The following TRAPPC3L variants were observed in gnomAD, a reference collection of about 807,000 sequenced individuals.
TRAPPC3L encodes the protein trafficking protein particle complex subunit 3L, also known as trafficking protein particle complex subunit 3-like protein.
Under a neutral mutation model 23.7 loss-of-function variants are expected in TRAPPC3L, and 23 were observed. The ratio of observed to expected loss-of-function variants is 0.97; its 90% CI spans 0.70 to 1.37. TRAPPC3L has a LOEUF of 1.37. TRAPPC3L is among the 40% of genes most tolerant of loss of function. The pLI is 0.00. For missense variants in TRAPPC3L, 212 were observed against 216.8 expected, an observed-to-expected ratio of 0.98 and a Z score of 0.14; for synonymous variants, 81 against 77.9, an observed-to-expected ratio of 1.04 and a Z score of -0.21.
At chr6:116,529,083 T>C (rs1216917521) in intron 3 of TRAPPC3L, 2 of 152,436 alleles carry the variant, frequency 1.3e-5, no homozygotes, top group Non-Finnish European at 2.9e-5. Flanking sequence ...GTCTCCTGTT[T>C]CTACCTGGTT....
intron 1 of TRAPPC3L, chr6:116,543,747 T>A (rs1267020981): frequency 1.6e-5 from 21 of 1,293,838 alleles, no homozygotes; most frequent in Middle Eastern, 1.8e-4. Context: ...CTAAAATATA[T>A]GCCATCCATG....
Position 116,495,459 on chromosome 6 carries a change from T to C in TRAPPC3L, c.*1495A>G, listed in dbSNP as rs1480244663. On this transcript the variant is annotated 3_prime_UTR_variant, in exon 5 of 5. Coordinates refer to ENST00000368602, the MANE Select transcript of TRAPPC3L (RefSeq NM_001139444.3). ...TCTTCCAAATCTTAGCTATCGTCAGTAGTTCTGCAGTAAACATGGGAGTGC... is the reference window on the plus strand; with the variant it reads ...TCTTCCAAATCTTAGCTATCGTCAGCAGTTCTGCAGTAAACATGGGAGTGC... The C allele has an allele frequency of 6.6e-6, 1 of 152,204 alleles. No individual in the cohort carries two copies. The highest frequency in any genetic ancestry group is 2.4e-5 in the African/African-American group (1 of 41,448). The allele number at this position is 152,204 out of a possible 1,614,324, so 9.4% of individuals were successfully genotyped here.
At chr6:116,513,537 T>A (rs13217264) in intron 3 of TRAPPC3L, among the ~76,000 whole-genome samples, 58,161 of 152,052 alleles carry the variant, frequency 0.38, 12,750 homozygotes, top group East Asian at 0.56. Context: ...CAAGGAAATC[T>A]TGCACATCAT....
At chr6:116,543,102 T>C (rs1372810049) in intron 2 of TRAPPC3L, among the ~76,000 whole-genome samples, 3 of 152,160 alleles carry the variant, frequency 2.0e-5, no homozygotes, top group Admixed American at 6.5e-5. Flanking sequence ...TTGATATTTG[T>C]AGGAAAAAAA....
At chr6:116,524,331 T>C (rs1772405351) in intron 3 of TRAPPC3L, 1 of 152,204 alleles carries the variant, frequency 6.6e-6, no homozygotes, top group Admixed American at 6.6e-5. Context: ...ATAAATGACA[T>C]GGTCACCTCA....
chr6:116,497,939 C>A (rs571001012), intron 4 of TRAPPC3L, among the ~76,000 whole-genome samples: 1 of 152,302 alleles, frequency 6.6e-6, no homozygotes, highest in East Asian at 1.9e-4. Flanking sequence ...AGCTAGCCAG[C>A]CTCAATTTGT....
intron 3 of TRAPPC3L, among the ~76,000 whole-genome samples, chr6:116,533,676 G>A (rs1184065775): frequency 1.3e-5 from 2 of 152,154 alleles, no homozygotes; most frequent in African/African-American, 2.4e-5. Context: ...TACTTGTAAC[G>A]CTAGAGCTCC....
At position 116,540,460 on chromosome 6, in the gene TRAPPC3L, C is replaced by T. The variant is rs1376258152; in HGVS notation, c.143G>A (p.Gly48Asp). 3.9e-6 allele frequency: 6 copies of T among 1,551,080 alleles called. No homozygotes were observed. The South Asian group carries it at 4.8e-5, about 12-fold the overall frequency. The part of the protein sequence containing the change: ...EDVNQYLDKM[G>D]YGIGTRLVED... The stretch of plus-strand genomic sequence containing the variant: ...CACAAGCCGCGTTCCAATGCCGTAA[C>T]CCCTGTGGATGACGGAAAGAGTGTG... Residue 48 changes from glycine (G) to aspartate (D), a missense_variant and splice_region_variant, in exon 3 of 5, where the codon GGT becomes GAT. Transcript: ENST00000368602.
intron 3 of TRAPPC3L, chr6:116,515,487 T>C: frequency 9.2e-7 from 1 of 1,086,550 alleles, no homozygotes; most frequent in Non-Finnish European, 1.3e-6. Flanking sequence ...TGATTTCAAA[T>C]GAGGTATGTC....
chr6:116,508,190 A>T (rs958370402), intron 3 of TRAPPC3L, among the ~76,000 whole-genome samples: 3 of 152,194 alleles, frequency 2.0e-5, no homozygotes, highest in African/African-American at 7.2e-5. Flanking sequence ...TTCAACAGAA[A>T]TTTCTTGAGC....
At chr6:116,512,373 G>A (rs1772140024) in intron 3 of TRAPPC3L, 12 of 1,002,608 alleles carry the variant, frequency 1.2e-5, no homozygotes, top group South Asian at 3.6e-5. Flanking sequence ...ATGCAGCATT[G>A]AGACTATCTC....
At chr6:116,511,116 ATATATGTATATT>A (rs1482670893) in intron 3 of TRAPPC3L, among the ~76,000 whole-genome samples, 9 of 147,496 alleles carry the variant, frequency 6.1e-5, no homozygotes, top group African/African-American at 2.2e-4. Context: ...GTATATATAT[ATATATGTATATT>A]TATATGTATA....
In TRAPPC3L at chr6:116,512,146, G is replaced by C. The variant is rs772645493; in HGVS notation, c.241-11480C>G. On this transcript the variant is annotated intron_variant, in intron 3 of 4. Coordinates refer to ENST00000368602, the MANE Select transcript of TRAPPC3L (RefSeq NM_001139444.3). The stretch of plus-strand genomic sequence containing the variant: ...GCAAGGGTAAGCCCAAAGAGTGCTG[G>C]GAAGAACTTCACAAAGTATCTTGTG... 31 of 1,613,494 alleles carry C rather than the reference G, an allele frequency of 1.9e-5. No individual in the cohort carries two copies. In the African/African-American group the frequency reaches 3.9e-4, roughly 20 times the overall value.
chr6:116,509,144 G>A (rs1319670233), intron 3 of TRAPPC3L, among the ~76,000 whole-genome samples: 1 of 149,050 alleles, frequency 6.7e-6, no homozygotes, highest in Non-Finnish European at 1.5e-5. Context: ...TCGAAGAGGT[G>A]GAAGATCTCT....
chr6:116,496,099 G>T lies in TRAPPC3L; in HGVS notation c.*855C>A, dbSNP rs1771830153. The T allele has an allele frequency of 6.6e-6, 1 of 152,132 alleles. No individual in the cohort carries two copies. Among genetic ancestry groups the T allele is most frequent in the African/African-American group, 2.4e-5 (1 of 41,438 alleles). The allele number at this position is 152,132 out of a possible 1,614,324, so 9.4% of individuals were successfully genotyped here. A position where few individuals can be genotyped will look rare whatever the true frequency, so the allele number is the denominator to read the frequency against. On this transcript the variant is annotated 3_prime_UTR_variant, in exon 5 of 5. Transcript: ENST00000368602. ...CCAGTGGTCTGGTGAAGATTACTGT[G>T]TATTTAATTCGGTACACTTGAATTT...
At chr6:116,506,882 G>A (rs996148317) in intron 3 of TRAPPC3L, among the ~76,000 whole-genome samples, 5 of 152,128 alleles carry the variant, frequency 3.3e-5, no homozygotes, top group African/African-American at 1.2e-4. Context: ...GGCTGGGGGA[G>A]GGATAGCTTT....
rs537625540 is a variant in TRAPPC3L at position 116,545,336 on chromosome 6, T to C, written c.42+137A>G. The C allele has an allele frequency of 1.5e-4, 91 of 616,802 alleles. No individual in the cohort carries two copies. In the African/African-American group the frequency reaches 1.6e-3, roughly 11 times the overall value. The allele number at this position is 616,802 out of a possible 1,614,324, so 38.2% of individuals were successfully genotyped here. A position where few individuals can be genotyped will look rare whatever the true frequency, so the allele number is the denominator to read the frequency against. On this transcript the variant is annotated intron_variant, in intron 1 of 4. Transcript: ENST00000368602. ...ATCATAATTATTCCTAGATGTGTCA[T>C]TTATGATTCACTTCGCTGAACACTG...
intron 3 of TRAPPC3L, among the ~76,000 whole-genome samples, chr6:116,532,912 C>T (rs1330810761): frequency 6.6e-6 from 1 of 152,226 alleles, no homozygotes; most frequent in African/African-American, 2.4e-5. Flanking sequence ...CATTACAACT[C>T]TTGCTTCACA....
At chr6:116,502,241 T>A (rs1029063052) in intron 3 of TRAPPC3L, among the ~76,000 whole-genome samples, 2 of 152,150 alleles carry the variant, frequency 1.3e-5, no homozygotes, top group Admixed American at 6.5e-5. Flanking sequence ...CAAGCTTCAA[T>A]AGCTGATTCG....
Sources: allele counts gnomAD v4.1 joint callset (sites outside exome capture counted in the v4.1 genomes callset), GRCh38; gene constraint gnomAD v4.1.1; transcripts MANE v1.5; gene names NCBI Gene and HGNC (gene_info 2026-07-23, HGNC 2026-07-21).